Variants in FER observed in about 807,000 individuals in gnomAD.
FER encodes the protein tyrosine-protein kinase Fer.
Under a neutral mutation model 111.0 loss-of-function variants are expected in FER, and 63 were observed. The observed-to-expected ratio is 0.57, with a 90% CI of 0.46 to 0.70. The LOEUF is 0.70. FER is among the 30% of genes least tolerant of loss of function. The pLI, the probability that FER is intolerant of heterozygous loss-of-function variation, is 0.00. For synonymous variants in FER, 327 were observed against 313.9 expected (o/e 1.04, Z -0.44); for missense variants, 914 against 954.0 (o/e 0.96, Z 0.55).
At chr5:109,024,123 C>G (rs570072825) in intron 13 of FER, among the ~76,000 whole-genome samples, 6 of 152,196 alleles carry the variant, frequency 3.9e-5, no homozygotes, top group African/African-American at 1.4e-4. Flanking sequence ...ATTTCAAGCT[C>G]AAGCAGTTTC....
intron 17 of FER, among the ~76,000 whole-genome samples, chr5:109,162,956 C>T (rs1756146175): frequency 1.3e-5 from 2 of 151,976 alleles, no homozygotes; most frequent in Admixed American, 1.3e-4. Context: ...ATCATTACCA[C>T]ACTTCCATCA....
chr5:109,044,954 G>C, intron 15 of FER, 159 bp downstream of exon 15: 1 of 457,516 alleles, frequency 2.2e-6, no homozygotes, highest in Non-Finnish European at 4.0e-6. Context: ...ATATTCTGCA[G>C]ATCAATTCAG....
Position 109,196,666 on chromosome 5 carries a change from A to G in FER, c.*9091A>G, listed in dbSNP as rs1759767326. On this transcript the variant is annotated 3_prime_UTR_variant, in exon 20 of 20. Coordinates refer to ENST00000281092, the MANE Select transcript of FER (RefSeq NM_005246.4). ...AAGAAATACACTTTGAACTTTGGCT[A>G]ACATTGTAGGATATTTTTTAATTGT... is the stretch of plus-strand genomic sequence containing the variant. 6.6e-6 allele frequency: 1 copy of G among 152,194 alleles called. No homozygotes were observed. Among genetic ancestry groups the G allele is most frequent in the African/African-American group, 2.4e-5 (1 of 41,458 alleles). The allele number at this position is 152,194 out of a possible 1,614,324, so 9.4% of individuals were successfully genotyped here.
chr5:109,079,742 A>T (rs1776770392), intron 16 of FER, among the ~76,000 whole-genome samples: 1 of 152,080 alleles, frequency 6.6e-6, no homozygotes, highest in Admixed American at 6.6e-5. Flanking sequence ...TCAGCACAGA[A>T]AATATCACAT....
chr5:108,776,618 C>T (rs1753526529), intron 2 of FER, among the ~76,000 whole-genome samples: 1 of 152,072 alleles, frequency 6.6e-6, no homozygotes, highest in Non-Finnish European at 1.5e-5. Context: ...ATCTGTTTTA[C>T]ATTTTGCTTT....
chr5:109,151,736 A>C (rs755908194), intron 17 of FER, among the ~76,000 whole-genome samples: 1 of 152,156 alleles, frequency 6.6e-6, no homozygotes, highest in Non-Finnish European at 1.5e-5. Context: ...AATGCATTTC[A>C]TCTTTCTCAT....
chr5:108,824,589 T>C (rs952844260), intron 3 of FER, among the ~76,000 whole-genome samples: 3 of 152,172 alleles, frequency 2.0e-5, no homozygotes, highest in African/African-American at 7.2e-5. Flanking sequence ...ATTTCTTTTT[T>C]GGATAGTTTG....
chr5:109,060,748 T>C (rs1042656643), intron 16 of FER, among the ~76,000 whole-genome samples: 4 of 144,180 alleles, frequency 2.8e-5, no homozygotes, highest in South Asian at 2.2e-4. Flanking sequence ...TGTGTGTGTG[T>C]GCGTATGTGT....
chr5:109,180,452 T>G (rs1758171073), intron 17 of FER, among the ~76,000 whole-genome samples: 1 of 152,226 alleles, frequency 6.6e-6, no homozygotes, highest in African/African-American at 2.4e-5. Flanking sequence ...ATGCCAACTT[T>G]GCTTAGCCTC....
At chr5:108,755,173 A>G (rs968328316) in intron 1 of FER, among the ~76,000 whole-genome samples, 1 of 152,252 alleles carries the variant, frequency 6.6e-6, no homozygotes. Flanking sequence ...TTATTTGTAT[A>G]CAGGCAAGGT....
chr5:108,903,644 A>C (rs1263739558), intron 10 of FER, among the ~76,000 whole-genome samples: 1 of 152,242 alleles, frequency 6.6e-6, no homozygotes, highest in Non-Finnish European at 1.5e-5. Context: ...GTGTATAAAC[A>C]TATTTTGTAT....
Position 108,916,123 on chromosome 5 carries a change from C to T in FER, c.1236+18275C>T, listed in dbSNP as rs117953059. Among the ~76,000 whole-genome samples, 29 of 152,212 alleles carry T rather than the reference C, an allele frequency of 1.9e-4. No homozygotes were observed. The East Asian group carries it at 5.4e-3, about 28-fold the overall frequency. On this transcript the variant is annotated intron_variant, in intron 10 of 19. Transcript: ENST00000281092. Reference sequence around the variant, plus strand: ...AAAAGGCATTGATTATATTTGCATTCTCAAATTAAAAATATTTGGAATTTA... The same window carrying T: ...AAAAGGCATTGATTATATTTGCATTTTCAAATTAAAAATATTTGGAATTTA...
chr5:108,846,216 C>T (rs1018420313), intron 5 of FER, among the ~76,000 whole-genome samples: 1 of 152,064 alleles, frequency 6.6e-6, no homozygotes, highest in East Asian at 1.9e-4. Flanking sequence ...TCTGGATCTG[C>T]TTGTTTTTAT....
At chr5:109,049,099 G>A (rs1244987103) in intron 16 of FER, among the ~76,000 whole-genome samples, 1 of 152,178 alleles carries the variant, frequency 6.6e-6, no homozygotes, top group African/African-American at 2.4e-5. Context: ...TCAGTAGTGA[G>A]ATTGTTGGAT....
intron 16 of FER, among the ~76,000 whole-genome samples, chr5:109,083,820 A>G (rs182145191): frequency 2.6e-5 from 4 of 152,108 alleles, no homozygotes; most frequent in East Asian, 3.9e-4. Context: ...CCCAGACTCA[A>G]AGATGACAAC....
In FER at chr5:109,072,850, G is replaced by A. The variant is rs181010276; in HGVS notation, c.1924+25652G>A. Among the ~76,000 whole-genome samples the A allele has an allele frequency of 2.6e-5, 4 of 152,056 alleles. No homozygotes were observed. The South Asian group carries it at 8.3e-4, about 32-fold the overall frequency. ...ATGCTCCCTCCAAAAGCTCTGGGGA[G>A]TAATTTATTCCTGCTTCTTCCTAGC... On this transcript the variant is annotated intron_variant, in intron 16 of 19. Transcript: ENST00000281092.
chr5:109,136,346 ATAACT>A (rs928179795), intron 17 of FER, among the ~76,000 whole-genome samples: 10 of 152,110 alleles, frequency 6.6e-5, no homozygotes, highest in Non-Finnish European at 1.3e-4. Flanking sequence ...TGAACAGGAG[ATAACT>A]TAAAGCATAA....
At chr5:108,837,702 C>A (rs1292102394) in intron 5 of FER, among the ~76,000 whole-genome samples, 3 of 151,974 alleles carry the variant, frequency 2.0e-5, no homozygotes. Context: ...AAATCTAATT[C>A]TGATGTCAAA....
chr5:108,823,783 C>T (rs1049447777), intron 3 of FER, among the ~76,000 whole-genome samples: 1 of 152,024 alleles, frequency 6.6e-6, no homozygotes, highest in Non-Finnish European at 1.5e-5. Flanking sequence ...TAGTTTGGTG[C>T]AGTCTCACTT....
Sources: allele counts gnomAD v4.1 joint callset (sites outside exome capture counted in the v4.1 genomes callset), GRCh38; gene constraint gnomAD v4.1.1; transcripts MANE v1.5; gene names NCBI Gene and HGNC (gene_info 2026-07-23, HGNC 2026-07-21).